The following HIVEP2 variants were observed in gnomAD, a reference collection of about 807,000 sequenced individuals.
The protein encoded by HIVEP2 is transcription factor HIVEP2.
Under a neutral mutation model 180.7 loss-of-function variants are expected in HIVEP2, and 14 were observed. The observed-to-expected ratio is 0.08, with a 90% CI of 0.05 to 0.12. The LOEUF is 0.12. HIVEP2 is among the 10% of genes least tolerant of loss of function. The pLI is 1.00. For synonymous variants in HIVEP2, 1,184 were observed against 1,136.4 expected (o/e 1.04, Z -0.84); for missense variants, 2,579 against 3,008.5 (o/e 0.86, Z 3.34).
At chr6:142,760,756 TTCCCAA>T (rs1775211245) in intron 8 of HIVEP2, 89 bp from the exon 9 acceptor site, 2 of 974,058 alleles carry the variant, frequency 2.1e-6, no homozygotes, top group African/African-American at 3.3e-5. Flanking sequence ...CTAAACGCTT[TTCCCAA>T]TCCCTAGTGC....
chr6:142,911,160 A>T (rs939418974), intron 1 of HIVEP2, among the ~76,000 whole-genome samples: 2 of 143,436 alleles, frequency 1.4e-5, no homozygotes, highest in Admixed American at 7.1e-5. Flanking sequence ...AAAAAAAAAA[A>T]CTTAAAAATA....
At chr6:142,868,633 A>G (rs765801093) in intron 1 of HIVEP2, among the ~76,000 whole-genome samples, 35 of 152,206 alleles carry the variant, frequency 2.3e-4, no homozygotes, top group Non-Finnish European at 4.3e-4. Flanking sequence ...CTAATTCAAT[A>G]TAGGGCAAAC....
chr6:142,865,725 G>T (rs1050590540), intron 1 of HIVEP2, among the ~76,000 whole-genome samples: 3 of 152,152 alleles, frequency 2.0e-5, no homozygotes, highest in Non-Finnish European at 2.9e-5. Context: ...CACGACCTAG[G>T]ATGATGGCAG....
intron 2 of HIVEP2, among the ~76,000 whole-genome samples, chr6:142,809,198 G>A (rs893314053): frequency 1.3e-5 from 2 of 151,946 alleles, no homozygotes; most frequent in Non-Finnish European, 2.9e-5. Context: ...AACTATTCCA[G>A]ACAAAAGTCA....
intron 1 of HIVEP2, among the ~76,000 whole-genome samples, chr6:142,898,273 T>C (rs1198495041): frequency 6.6e-6 from 1 of 152,148 alleles, no homozygotes; most frequent in East Asian, 1.9e-4. Context: ...GGTGATAAAC[T>C]GGAGAAGTAA....
chr6:142,818,733 A>AAAAG (rs766314719), intron 2 of HIVEP2, among the ~76,000 whole-genome samples: 2,340 of 41,580 alleles, frequency 0.056, 260 homozygotes, highest in East Asian at 0.11. Context: ...AGAAAGAAAG[A>AAAAG]AAAGAAAGAA....
chr6:142,783,326 C>A (rs868793216), intron 3 of HIVEP2, among the ~76,000 whole-genome samples, 195 bp downstream of exon 3: 12 of 71,048 alleles, frequency 1.7e-4, no homozygotes, highest in South Asian at 5.4e-4. Flanking sequence ...GACTCCGTCA[C>A]AAAAAAAAAA....
intron 1 of HIVEP2, among the ~76,000 whole-genome samples, chr6:142,899,231 T>G (rs967035342): frequency 1.3e-5 from 2 of 152,212 alleles, no homozygotes; most frequent in Non-Finnish European, 2.9e-5. Flanking sequence ...CCTTTTTTGC[T>G]AAGGCTTTAT....
At chr6:142,851,990 C>G (rs773113375) in intron 1 of HIVEP2, among the ~76,000 whole-genome samples, 3 of 152,150 alleles carry the variant, frequency 2.0e-5, no homozygotes, top group Non-Finnish European at 4.4e-5. Context: ...TCTTATCCAG[C>G]TCAAGAGCAT....
At chr6:142,852,133 C>T (rs1008961314) in intron 1 of HIVEP2, among the ~76,000 whole-genome samples, 1 of 152,166 alleles carries the variant, frequency 6.6e-6, no homozygotes, top group Non-Finnish European at 1.5e-5. Flanking sequence ...GGAGGGCATG[C>T]CATGCTTTCT....
Position 142,753,048 on chromosome 6 carries a change from G to GAAAAAC in HIVEP2, c.*53_*58dup. On this transcript the variant is annotated 3_prime_UTR_variant, in exon 10 of 10. Transcript: ENST00000367603. ...ATAAACTGGATTACCTCCATTTCTA[G>GAAAAAC]AAAAACAAAAACAAAAAAATGGGAA... 9.1e-7 allele frequency: 1 copy of GAAAAAC among 1,101,976 alleles called. No individual in the cohort carries two copies. Among genetic ancestry groups the GAAAAAC allele is most frequent in the Admixed American group, 1.7e-5 (1 of 57,340 alleles). The allele number at this position is 1,101,976 out of a possible 1,614,324, so 68.3% of individuals were successfully genotyped here.
chr6:142,892,944 G>A (rs1776896048), intron 1 of HIVEP2, among the ~76,000 whole-genome samples: 1 of 152,190 alleles, frequency 6.6e-6, no homozygotes, highest in Non-Finnish European at 1.5e-5. Flanking sequence ...AGCTCGGCGA[G>A]GCTTCGTAAC....
At chr6:142,760,693 G>A (rs1775209064) in intron 8 of HIVEP2, 26 bp from the exon 9 acceptor site, 1 of 1,522,868 alleles carries the variant, frequency 6.6e-7, no homozygotes, top group East Asian at 2.3e-5. Context: ...AAAGATAATG[G>A]AGATCAAGAT....
intron 2 of HIVEP2, among the ~76,000 whole-genome samples, chr6:142,813,143 GATATATACACTGTTT>G (rs1485646605): frequency 6.6e-6 from 1 of 151,924 alleles, no homozygotes; most frequent in African/African-American, 2.4e-5. Flanking sequence ...TCTATTGATG[GATATATACACTGTTT>G]ATAAGATCTG....
At chr6:142,887,708 A>C (rs1262307123) in intron 1 of HIVEP2, among the ~76,000 whole-genome samples, 1 of 152,248 alleles carries the variant, frequency 6.6e-6, no homozygotes, top group Non-Finnish European at 1.5e-5. Flanking sequence ...ACCCTAGATT[A>C]GAAACTATGC....
rs78611869 is a variant in HIVEP2, at chr6:142,804,740, A to C, written c.-527-21125T>G. On this transcript the variant is annotated intron_variant, in intron 2 of 9. Coordinates refer to ENST00000367603, the MANE Select transcript of HIVEP2 (RefSeq NM_006734.4). The stretch of plus-strand genomic sequence containing the variant: ...TTAGTCAAATAAGGACTCTATAGTC[A>C]TAATAGATGGTCTGTGGGAGAAGGG... 2.8e-3 allele frequency among the ~76,000 whole-genome samples: 430 copies of C among 152,292 alleles called. 5 individuals carry two copies. Among genetic ancestry groups the C allele is most frequent in the African/African-American group, 0.01 (418 of 41,556 alleles).
chr6:142,831,379 G>A (rs553083697), intron 2 of HIVEP2, among the ~76,000 whole-genome samples: 1 of 152,254 alleles, frequency 6.6e-6, no homozygotes, highest in African/African-American at 2.4e-5. Context: ...CTCCTAAGTG[G>A]CTTCTATGCT....
chr6:142,799,218 T>C (rs1776350385), intron 2 of HIVEP2, among the ~76,000 whole-genome samples: 1 of 152,158 alleles, frequency 6.6e-6, no homozygotes, highest in Non-Finnish European at 1.5e-5. Context: ...AAAACATTAC[T>C]ACATAGAATA....
intron 1 of HIVEP2, among the ~76,000 whole-genome samples, chr6:142,876,608 G>A (rs1776445160): frequency 6.6e-6 from 1 of 152,152 alleles, no homozygotes; most frequent in Non-Finnish European, 1.5e-5. Context: ...TTCCCATTGA[G>A]TGCCACTAAT....
Sources: allele counts gnomAD v4.1 joint callset (sites outside exome capture counted in the v4.1 genomes callset), GRCh38; gene constraint gnomAD v4.1.1; transcripts MANE v1.5; gene names NCBI Gene and HGNC (gene_info 2026-07-23, HGNC 2026-07-21).